PHLDB2: variants seen among roughly 807,000 people sequenced by gnomAD.
The protein encoded by PHLDB2 is pleckstrin homology-like domain family B member 2.
In PHLDB2, 71 loss-of-function variants were observed where a neutral mutation model predicts 123.6. The ratio of observed to expected loss-of-function variants is 0.57; its 90% CI spans 0.47 to 0.70. PHLDB2 has a LOEUF of 0.70. PHLDB2 is among the 30% of genes least tolerant of loss of function. The pLI is 0.00. For missense variants in PHLDB2, 1,446 were observed against 1,519.5 expected (o/e 0.95, Z 0.80); for synonymous variants, 547 against 541.6 (o/e 1.01, Z -0.14).
At chr3:111,864,524 A>AC (rs1414490458) in intron 1 of PHLDB2, among the ~76,000 whole-genome samples, 1 of 149,786 alleles carries the variant, frequency 6.7e-6, no homozygotes, top group African/African-American at 2.5e-5. Context: ...GACATTGCAG[A>AC]AAAGGAGCTT....
chr3:111,781,502 CT>C (rs533385937), intron 1 of PHLDB2, among the ~76,000 whole-genome samples: 111 of 152,040 alleles, frequency 7.3e-4, no homozygotes, highest in Non-Finnish European at 1.4e-3. Flanking sequence ...AATTTGGGGG[CT>C]TTTTATCAGC....
intron 1 of PHLDB2, among the ~76,000 whole-genome samples, chr3:111,803,680 T>C (rs2061465040): frequency 6.6e-6 from 1 of 152,180 alleles, no homozygotes; most frequent in Non-Finnish European, 1.5e-5. Context: ...CTAATTACAC[T>C]CAGAAACTGT....
chr3:111,894,131 A>G lies in PHLDB2; in HGVS notation c.1335+8719A>G, dbSNP rs1327018672. Reference sequence around the variant, plus strand: ...TGTGTCCATGTGATCTCATTGTTCAATTCCCACCTATGAGTGAGAATATGC... The same window carrying G: ...TGTGTCCATGTGATCTCATTGTTCAGTTCCCACCTATGAGTGAGAATATGC... On this transcript the variant is annotated intron_variant, in intron 2 of 17. Transcript: ENST00000431670. Among the ~76,000 whole-genome samples, 12 of 133,770 alleles carry G rather than the reference A, an allele frequency of 9.0e-5. No homozygotes were observed. In the South Asian group the frequency reaches 1.2e-3, roughly 14 times the overall value. The allele number at this position is 133,770 out of a possible 152,430, so 87.8% of individuals were successfully genotyped here.
intron 13 of PHLDB2, among the ~76,000 whole-genome samples, chr3:111,965,400 G>GC (rs1317001962): frequency 6.6e-6 from 1 of 152,166 alleles, no homozygotes; most frequent in African/African-American, 2.4e-5. Flanking sequence ...TAAACTGTAT[G>GC]CCCTGTGTTC....
intron 12 of PHLDB2, among the ~76,000 whole-genome samples, chr3:111,954,600 C>CA (rs2070924345): frequency 6.6e-6 from 1 of 152,102 alleles, no homozygotes; most frequent in African/African-American, 2.4e-5. Context: ...AGATAGTCTT[C>CA]ATGGGGCTAG....
intron 1 of PHLDB2, among the ~76,000 whole-genome samples, chr3:111,739,379 G>T (rs1371146539): frequency 2.0e-5 from 3 of 152,066 alleles, no homozygotes; most frequent in Admixed American, 2.0e-4. Context: ...GCAAGCTCCA[G>T]CAGGCAGTCA....
intron 2 of PHLDB2, among the ~76,000 whole-genome samples, chr3:111,898,568 A>G (rs1403079315): frequency 6.6e-6 from 1 of 152,216 alleles, no homozygotes; most frequent in Admixed American, 6.5e-5. Context: ...GCAGCATGCA[A>G]CGCTGTTTGG....
intron 1 of PHLDB2, among the ~76,000 whole-genome samples, chr3:111,881,556 A>C (rs993050700): frequency 4.6e-5 from 7 of 152,172 alleles, no homozygotes; most frequent in African/African-American, 1.7e-4. Flanking sequence ...GTGTCCACAA[A>C]ATTATTACAG....
At chr3:111,891,620 G>A (rs1008469304) in intron 2 of PHLDB2, among the ~76,000 whole-genome samples, 7 of 152,084 alleles carry the variant, frequency 4.6e-5, no homozygotes, top group African/African-American at 1.7e-4. Context: ...TAAATGTAAT[G>A]TGCTTGAATC....
At chr3:111,862,418 C>T (rs2064877967) in intron 1 of PHLDB2, among the ~76,000 whole-genome samples, 2 of 152,204 alleles carry the variant, frequency 1.3e-5, no homozygotes, top group Admixed American at 6.5e-5. Context: ...GTGGTTTTCA[C>T]TGGGAGAGGG....
chr3:111,790,054 G>T lies in PHLDB2; in HGVS notation c.-48-55767G>T, dbSNP rs142469730. Among the ~76,000 whole-genome samples the T allele has an allele frequency of 5.0e-3, 759 of 152,248 alleles. 4 individuals are homozygous for T. The highest frequency in any genetic ancestry group is 9.1e-3 in the Admixed American group (139 of 15,296). ...TGAGGAGCCTGACTGGGGGCAGGGC[G>T]TTCAAATTGCCCTTGGATCTTATCA... On this transcript the variant is annotated intron_variant, in intron 1 of 17. Coordinates refer to the PHLDB2 transcript ENST00000393923.
At chr3:111,869,705 CTG>C (rs756821881) in intron 1 of PHLDB2, among the ~76,000 whole-genome samples, 1,765 of 25,258 alleles carry the variant, frequency 0.07, 28 homozygotes, top group African/African-American at 0.083. Flanking sequence ...GTGTCTGTCT[CTG>C]TGTGTGTGTG....
At chr3:111,847,959 G>A (rs1382258789) in intron 2 of PHLDB2, among the ~76,000 whole-genome samples, 2 of 152,102 alleles carry the variant, frequency 1.3e-5, no homozygotes, top group Non-Finnish European at 2.9e-5. Flanking sequence ...TTACTTAATT[G>A]TAGACTACAA....
intron 12 of PHLDB2, among the ~76,000 whole-genome samples, chr3:111,955,626 AT>A: frequency 6.6e-6 from 1 of 151,792 alleles, no homozygotes; most frequent in East Asian, 1.9e-4. Context: ...TGATTTTTGT[AT>A]TTTTTGGCAG....
chr3:111,845,857 C>A (rs1165312296), exon 2 of PHLDB2: 7 of 1,614,142 alleles, frequency 4.3e-6, no homozygotes, highest in Non-Finnish European at 5.9e-6. Context: ...TGAGATTCAG[C>A]AGAAGATCCT....
At chr3:111,870,393 G>A (rs1559877425) in intron 1 of PHLDB2, among the ~76,000 whole-genome samples, 1 of 152,122 alleles carries the variant, frequency 6.6e-6, no homozygotes, top group Non-Finnish European at 1.5e-5. Context: ...TTGCAGAGGG[G>A]GAGTTGAGGG....
chr3:111,830,156 G>C (rs1374575438), intron 1 of PHLDB2, among the ~76,000 whole-genome samples: 1 of 152,118 alleles, frequency 6.6e-6, no homozygotes, highest in Non-Finnish European at 1.5e-5. Flanking sequence ...CATTGTTCCT[G>C]ACTGCCAGCA....
intron 2 of PHLDB2, chr3:111,911,478 T>G: frequency 4.3e-6 from 3 of 700,212 alleles, no homozygotes; most frequent in Non-Finnish European, 7.0e-6. Context: ...CTTTTCCAGA[T>G]TGTTGGAGAA....
At chr3:111,891,152 G>T (rs2066464906) in intron 2 of PHLDB2, among the ~76,000 whole-genome samples, 1 of 152,138 alleles carries the variant, frequency 6.6e-6, no homozygotes, top group Admixed American at 6.5e-5. Context: ...CTAGAGGGCT[G>T]GGATGCTGAT....
Sources: allele counts gnomAD v4.1 joint callset (sites outside exome capture counted in the v4.1 genomes callset), GRCh38; gene constraint gnomAD v4.1.1; transcripts MANE v1.5; gene names NCBI Gene and HGNC (gene_info 2026-07-23, HGNC 2026-07-21).